The following ADGRV1 variants were observed in gnomAD, a reference collection of about 807,000 sequenced individuals.
ADGRV1 encodes adhesion G protein-coupled receptor V1, also known as G-protein coupled receptor 98.
In ADGRV1, 359 loss-of-function variants were observed where a neutral mutation model predicts 596.2. The observed-to-expected ratio is 0.60, with a 90% CI of 0.55 to 0.66. The LOEUF (loss-of-function observed/expected upper bound fraction) is 0.66. ADGRV1 is among the 30% of genes least tolerant of loss of function. ADGRV1 has a pLI of 0.00. For synonymous variants in ADGRV1, 2,681 were observed against 2,679.2 expected (o/e 1.00, Z -0.02); for missense variants, 7,274 against 7,575.6 (o/e 0.96, Z 1.48).
chr5:90,622,842 G>A (rs1764269503), intron 5 of ADGRV1, 141 bp downstream of exon 5: 2 of 371,570 alleles, frequency 5.4e-6, no homozygotes, highest in African/African-American at 4.2e-5. Flanking sequence ...CCAGGTTCAA[G>A]TGATTCTCCT....
chr5:90,769,189 GCAGGGTA>G (rs1182956393), intron 59 of ADGRV1, among the ~76,000 whole-genome samples: 2 of 152,118 alleles, frequency 1.3e-5, no homozygotes, highest in Non-Finnish European at 2.9e-5. Context: ...CCACTGAGAT[GCAGGGTA>G]CAGCCACGTT....
In ADGRV1 at chr5:90,627,423, A is replaced by G. The variant is rs1259773791; in HGVS notation, c.885A>G (p.Gly295=). The G allele has an allele frequency of 6.2e-7, 1 of 1,613,930 alleles. No homozygotes were observed. Among genetic ancestry groups the G allele is most frequent in the Non-Finnish European group, 8.5e-7 (1 of 1,179,846 alleles). ...AGGACAACAATGGAAATCTGATTGG[A>G]TCTGATGAATATGAGGTTTCAATCA... ...RGKDNNGNLI[G]SDEYEVSISY... Residue 295 remains glycine, a synonymous_variant, in exon 7 of 90, where the codon GGA becomes GGG. Coordinates refer to ENST00000405460, the MANE Select transcript of ADGRV1 (RefSeq NM_032119.4).
intron 79 of ADGRV1, chr5:90,850,828 T>G (rs1471286351): frequency 6.6e-6 from 1 of 152,102 alleles, no homozygotes; most frequent in African/African-American, 2.4e-5. Flanking sequence ...TGGCCTTTTC[T>G]GTTTTGTTTT....
intron 85 of ADGRV1, among the ~76,000 whole-genome samples, chr5:91,052,931 A>G (rs1786486789): frequency 6.6e-6 from 1 of 152,172 alleles, no homozygotes; most frequent in East Asian, 1.9e-4. Context: ...GATCTACTCA[A>G]TATTAATGCT....
At chr5:91,076,079 C>T (rs914990627) in intron 86 of ADGRV1, among the ~76,000 whole-genome samples, 1 of 152,216 alleles carries the variant, frequency 6.6e-6, no homozygotes, top group East Asian at 1.9e-4. Flanking sequence ...TATCACCTTC[C>T]CATATTCTTT....
At chr5:91,060,689 T>C (rs558401078) in intron 85 of ADGRV1, among the ~76,000 whole-genome samples, 1 of 152,336 alleles carries the variant, frequency 6.6e-6, no homozygotes, top group South Asian at 2.1e-4. Context: ...GGATCACCAG[T>C]TATTGCAATG....
intron 1 of ADGRV1, among the ~76,000 whole-genome samples, chr5:90,560,909 A>G (rs1039536896): frequency 6.6e-6 from 1 of 152,138 alleles, no homozygotes. Context: ...AGTATGTCAG[A>G]TGTCTTTCTA....
intron 58 of ADGRV1, among the ~76,000 whole-genome samples, chr5:90,760,668 C>A (rs534326142): frequency 1.3e-5 from 2 of 152,276 alleles, no homozygotes; most frequent in African/African-American, 2.4e-5. Flanking sequence ...AGTCACCCCC[C>A]ACCCAGCTCA....
At chr5:90,563,744 A>G (rs996281852) in intron 1 of ADGRV1, among the ~76,000 whole-genome samples, 1 of 152,258 alleles carries the variant, frequency 6.6e-6, no homozygotes, top group African/African-American at 2.4e-5. Context: ...GTGTTACAAC[A>G]AATGAATAAG....
intron 83 of ADGRV1, among the ~76,000 whole-genome samples, chr5:90,949,045 G>A (rs749946141): frequency 1.3e-5 from 2 of 151,950 alleles, no homozygotes; most frequent in Non-Finnish European, 2.9e-5. Context: ...AATACTATAC[G>A]ACAATAAAAA....
chr5:90,629,247 G>A lies in ADGRV1; in HGVS notation c.1547G>A (p.Gly516Asp), dbSNP rs1265814223. 6.2e-7 allele frequency: 1 copy of A among 1,610,418 alleles called. No homozygotes were observed. Among genetic ancestry groups the A allele is most frequent in the South Asian group, 1.1e-5 (1 of 90,460 alleles). ...FYIQDSDDVY[G>D]LITFFPMENQ... ...ATTCAGGATAGTGATGATGTCTATG[G>A]CCTAATAACATTTTTTCCTATGGAA... The change falls in exon 9 of 90, where the codon GGC becomes GAC. Residue 516 changes from glycine (G) to aspartate (D), a missense_variant. Physicochemically the swap from Gly to Asp is moderately conservative, Grantham distance 94. Around this residue, in one of 5 missense-constraint regions of ADGRV1, gnomAD observed 1,715 missense variants for 1,708.8 expected, o/e 1.00. Coordinates refer to ENST00000405460, the MANE Select transcript of ADGRV1 (RefSeq NM_032119.4).
chr5:91,016,326 C>T (rs1783168961), intron 85 of ADGRV1, among the ~76,000 whole-genome samples: 1 of 151,870 alleles, frequency 6.6e-6, no homozygotes, highest in Non-Finnish European at 1.5e-5. Flanking sequence ...CTGGAGGGTC[C>T]TTGTTCTTAC....
At chr5:90,689,819 C>T (rs752756534) in intron 29 of ADGRV1, 42 bp from the exon 30 acceptor site, 1 of 1,378,890 alleles carries the variant, frequency 7.3e-7, no homozygotes, top group Non-Finnish European at 1.0e-6. Flanking sequence ...ATGTTTTGAT[C>T]ATATTTTAGA....
intron 43 of ADGRV1, 169 bp downstream of exon 43, chr5:90,716,898 A>G: frequency 1.9e-6 from 1 of 536,186 alleles, no homozygotes; most frequent in Non-Finnish European, 3.2e-6. Flanking sequence ...AGTTCTATTT[A>G]CTCTGTATAA....
intron 85 of ADGRV1, among the ~76,000 whole-genome samples, chr5:91,056,060 G>A (rs1474962737): frequency 2.6e-5 from 4 of 152,228 alleles, no homozygotes; most frequent in Admixed American, 6.5e-5. Flanking sequence ...AATGGTAGTC[G>A]GTTGGCGAGA....
Position 90,823,422 on chromosome 5 carries a change from C to T in ADGRV1, c.16197-3C>T, listed in dbSNP as rs1441782372. The T allele has an allele frequency of 1.2e-6, 2 of 1,613,218 alleles. No homozygotes were observed. Among genetic ancestry groups the T allele is most frequent in the South Asian group, 1.1e-5 (1 of 90,744 alleles). ...AAGGCATTGGTGGGTTTCTTGCTCACAGGGCCTTTGAAGATGTCAAGGTCT... is the reference window on the plus strand; with the variant it reads ...AAGGCATTGGTGGGTTTCTTGCTCATAGGGCCTTTGAAGATGTCAAGGTCT... On this transcript the variant is annotated splice_region_variant and splice_polypyrimidine_tract_variant and intron_variant, in intron 75 of 89. Transcript: ENST00000405460.
intron 82 of ADGRV1, among the ~76,000 whole-genome samples, chr5:90,858,731 C>T (rs1767268020): frequency 6.6e-6 from 1 of 152,108 alleles, no homozygotes; most frequent in Admixed American, 6.5e-5. Context: ...ATATTTAGTT[C>T]CCAGATTAAC....
intron 3 of ADGRV1, among the ~76,000 whole-genome samples, chr5:90,618,431 A>G (rs1763640557): frequency 1.3e-5 from 2 of 152,172 alleles, no homozygotes; most frequent in African/African-American, 4.8e-5. Flanking sequence ...GGTTGAGGCA[A>G]TGACTCGCTA....
intron 29 of ADGRV1, among the ~76,000 whole-genome samples, chr5:90,688,042 C>G (rs1268103022): frequency 1.3e-5 from 2 of 152,084 alleles, no homozygotes; most frequent in African/African-American, 4.8e-5. Context: ...TTGGAAAAAA[C>G]TACTTTAAAG....
Sources: gnomAD v4.1 joint callset for allele counts (sites outside exome capture counted in the v4.1 genomes callset) on GRCh38, gnomAD v4.1.1 for gene constraint, gnomAD v4.1.1 regional missense constraint, MANE v1.5 for transcripts, NCBI Gene and HGNC (gene_info 2026-07-23, HGNC 2026-07-21) for gene names.